SEMA6D: variants seen among roughly 807,000 people sequenced by gnomAD.
SEMA6D encodes the protein semaphorin 6D, also known as semaphorin-6D.
SEMA6D carries 35 observed loss-of-function variants against 106.6 expected under a neutral mutation model. That is an observed-to-expected ratio of 0.33 (90% CI 0.25 to 0.44). The LOEUF is 0.44. SEMA6D is among the 20% of genes least tolerant of loss of function. The pLI, the probability that SEMA6D is intolerant of heterozygous loss-of-function variation, is 1.00. For synonymous variants in SEMA6D, 499 were observed against 487.7 expected, an observed-to-expected ratio of 1.02 and a Z score of -0.31; for missense variants, 1,185 against 1,345.9, an observed-to-expected ratio of 0.88 and a Z score of 1.87.
chr15:47,290,207 A>G (rs1017845680), intron 1 of SEMA6D, among the ~76,000 whole-genome samples: 7 of 152,264 alleles, frequency 4.6e-5, no homozygotes, highest in Non-Finnish European at 1.0e-4. Context: ...AACGAAAGCT[A>G]AAATTCCAAA....
At chr15:47,457,002 G>T (rs773363535) in intron 2 of SEMA6D, among the ~76,000 whole-genome samples, 3 of 151,966 alleles carry the variant, frequency 2.0e-5, no homozygotes, top group Non-Finnish European at 4.4e-5. Flanking sequence ...ATAAAGAAGT[G>T]GGTGAAACAG....
chr15:47,278,272 CTGT>C (rs948120987), intron 1 of SEMA6D, among the ~76,000 whole-genome samples: 6 of 152,184 alleles, frequency 3.9e-5, no homozygotes, highest in Non-Finnish European at 8.8e-5. Context: ...TCTCCAGCAC[CTGT>C]TGTTTCCTGA....
intron 1 of SEMA6D, among the ~76,000 whole-genome samples, chr15:47,726,556 C>T (rs937986398): frequency 2.4e-4 from 36 of 152,150 alleles, no homozygotes; most frequent in African/African-American, 8.7e-4. Flanking sequence ...GAGTCAACTT[C>T]GTGGGGGCTG....
At chr15:47,634,425 A>G (rs938272182) in intron 4 of SEMA6D, among the ~76,000 whole-genome samples, 1 of 152,130 alleles carries the variant, frequency 6.6e-6, no homozygotes, top group African/African-American at 2.4e-5. Context: ...CAACTTTGTT[A>G]CTGCACGATG....
chr15:47,343,491 G>T (rs554173166), intron 1 of SEMA6D, among the ~76,000 whole-genome samples: 1 of 151,122 alleles, frequency 6.6e-6, no homozygotes. Context: ...CCATCTATGA[G>T]TGAGAACATG....
chr15:47,752,399 C>G (rs2081489394), intron 1 of SEMA6D, among the ~76,000 whole-genome samples: 1 of 152,174 alleles, frequency 6.6e-6, no homozygotes, highest in African/African-American at 2.4e-5. Flanking sequence ...GGTCATCAGT[C>G]TCTACTGACA....
chr15:47,560,258 C>T (rs1177412209), intron 3 of SEMA6D, among the ~76,000 whole-genome samples: 1 of 151,802 alleles, frequency 6.6e-6, no homozygotes, highest in African/African-American at 2.4e-5. Context: ...GAAAAGACTT[C>T]AAAGCAGCTT....
chr15:47,759,677 C>A, intron 1 of SEMA6D, 68 bp from the exon 2 acceptor site: 1 of 709,314 alleles, frequency 1.4e-6, no homozygotes, highest in Non-Finnish European at 2.5e-6. Context: ...GAAAACTGAG[C>A]TGATTACAAA....
At chr15:47,375,316 C>G (rs1000011264) in intron 1 of SEMA6D, among the ~76,000 whole-genome samples, 20 of 152,242 alleles carry the variant, frequency 1.3e-4, no homozygotes, top group African/African-American at 4.8e-4. Context: ...TTTCAGCTGC[C>G]TGTTTGTCAA....
intron 1 of SEMA6D, among the ~76,000 whole-genome samples, chr15:47,370,336 A>G (rs2039221948): frequency 6.6e-6 from 1 of 152,048 alleles, no homozygotes; most frequent in African/African-American, 2.4e-5. Flanking sequence ...GCAACAAAGT[A>G]AGAACTTGTC....
At chr15:47,752,834 C>T (rs2081516730) in intron 1 of SEMA6D, among the ~76,000 whole-genome samples, 1 of 151,970 alleles carries the variant, frequency 6.6e-6, no homozygotes, top group Non-Finnish European at 1.5e-5. Flanking sequence ...CATGATGAAA[C>T]CCCACCTCTT....
At chr15:47,768,523 C>G in intron 17 of SEMA6D, 58 bp from the exon 18 acceptor site, 10 of 1,376,858 alleles carry the variant, frequency 7.3e-6, no homozygotes, top group Non-Finnish European at 9.8e-6. Context: ...ATGCAACAGA[C>G]CAATCAAAAA....
At chr15:47,345,664 T>C (rs2038016531) in intron 1 of SEMA6D, among the ~76,000 whole-genome samples, 1 of 152,122 alleles carries the variant, frequency 6.6e-6, no homozygotes, top group African/African-American at 2.4e-5. Context: ...TTCTCAGATA[T>C]GATACCAAAA....
In SEMA6D at chr15:47,247,729, G is replaced by A. The variant is rs544307439; in HGVS notation, c.-239+63311G>A. Among the ~76,000 whole-genome samples, 3 of 152,248 alleles carry A rather than the reference G, an allele frequency of 2.0e-5. No homozygotes were observed. The East Asian group carries it at 5.8e-4, about 29-fold the overall frequency. ...TCCCAAACTTCTAGTCTTTGTGCATGTGTGTGTGTCATATTTGATTCTAAA... is the reference window on the plus strand; with the variant it reads ...TCCCAAACTTCTAGTCTTTGTGCATATGTGTGTGTCATATTTGATTCTAAA... On this transcript the variant is annotated intron_variant, in intron 1 of 19. Transcript: ENST00000558014.
intron 1 of SEMA6D, among the ~76,000 whole-genome samples, chr15:47,361,316 T>C (rs899700311): frequency 3.9e-5 from 6 of 152,222 alleles, no homozygotes; most frequent in Non-Finnish European, 7.3e-5. Context: ...TAAGGGATAC[T>C]ACCCATAAGG....
intron 1 of SEMA6D, among the ~76,000 whole-genome samples, chr15:47,385,697 A>G (rs2039813097): frequency 6.6e-6 from 1 of 152,168 alleles, no homozygotes; most frequent in Non-Finnish European, 1.5e-5. Flanking sequence ...AAAAAAAACA[A>G]GAATTATCAA....
intron 1 of SEMA6D, among the ~76,000 whole-genome samples, chr15:47,752,836 C>G (rs1477571642): frequency 6.6e-6 from 1 of 151,980 alleles, no homozygotes; most frequent in East Asian, 1.9e-4. Context: ...TGATGAAACC[C>G]CACCTCTTCT....
chr15:47,355,764 C>G (rs956267259), intron 1 of SEMA6D, among the ~76,000 whole-genome samples: 4 of 152,186 alleles, frequency 2.6e-5, no homozygotes, highest in African/African-American at 7.2e-5. Context: ...GCAGCCTTTT[C>G]TAATGATTTA....
At chr15:47,623,660 C>T (rs939679199) in intron 4 of SEMA6D, among the ~76,000 whole-genome samples, 59 of 152,242 alleles carry the variant, frequency 3.9e-4, no homozygotes, top group African/African-American at 1.2e-3. Flanking sequence ...CCATGACAGA[C>T]ATGGGAAAAG....
Sources: allele counts gnomAD v4.1 joint callset (sites outside exome capture counted in the v4.1 genomes callset), GRCh38; gene constraint gnomAD v4.1.1; transcripts MANE v1.5; gene names NCBI Gene and HGNC (gene_info 2026-07-23, HGNC 2026-07-21).